Variants in SLC35F4 observed in about 807,000 individuals in gnomAD.
The protein encoded by SLC35F4 is chromosome 14 open reading frame 36.
SLC35F4 carries 24 observed loss-of-function variants against 44.2 expected under a neutral mutation model. The ratio of observed to expected loss-of-function variants is 0.54; its 90% CI spans 0.39 to 0.76. The LOEUF (loss-of-function observed/expected upper bound fraction) is 0.76, where lower values mean the gene tolerates loss of function less well. SLC35F4 is among the 30% of genes least tolerant of loss of function. The pLI, the probability that SLC35F4 is intolerant of heterozygous loss-of-function variation, is 0.00. For missense variants in SLC35F4, 562 were observed against 586.1 expected, an observed-to-expected ratio of 0.96 and a Z score of 0.42; for synonymous variants, 238 against 223.6, an observed-to-expected ratio of 1.06 and a Z score of -0.57.
intron 1 of SLC35F4, among the ~76,000 whole-genome samples, chr14:57,756,788 G>T (rs78048708): frequency 0.044 from 6,722 of 151,708 alleles, 362 homozygotes; most frequent in East Asian, 0.17. Flanking sequence ...CCAAGTAGTT[G>T]GGACCGCAGG....
intron 1 of SLC35F4, among the ~76,000 whole-genome samples, chr14:57,698,232 T>C (rs1267810143): frequency 1.3e-5 from 2 of 152,186 alleles, no homozygotes; most frequent in African/African-American, 2.4e-5. Flanking sequence ...ATTTAGATCA[T>C]ACCCTGGTAA....
intron 1 of SLC35F4, among the ~76,000 whole-genome samples, chr14:57,903,685 TAAGAC>T (rs1265167186): frequency 1.3e-5 from 2 of 152,200 alleles, no homozygotes; most frequent in Non-Finnish European, 2.9e-5. Flanking sequence ...TCCACTGTCA[TAAGAC>T]AAGATTTATT....
chr14:57,793,462 C>T (rs1231676934), intron 1 of SLC35F4, among the ~76,000 whole-genome samples: 1 of 152,070 alleles, frequency 6.6e-6, no homozygotes, highest in Non-Finnish European at 1.5e-5. Flanking sequence ...ATACCCATAG[C>T]TTAGCTCTCA....
chr14:57,813,525 G>A (rs1476550098), intron 1 of SLC35F4, among the ~76,000 whole-genome samples: 1 of 151,970 alleles, frequency 6.6e-6, no homozygotes. Context: ...AGGAGGCAGA[G>A]GTTGCAGTGA....
intron 1 of SLC35F4, among the ~76,000 whole-genome samples, chr14:57,698,970 A>G (rs2075459750): frequency 1.3e-5 from 2 of 152,144 alleles, no homozygotes; most frequent in East Asian, 1.9e-4. Context: ...GGATGACAGC[A>G]GATGCCAACC....
chr14:57,722,513 A>T (rs1183384975), intron 1 of SLC35F4, among the ~76,000 whole-genome samples: 1 of 152,170 alleles, frequency 6.6e-6, no homozygotes, highest in Non-Finnish European at 1.5e-5. Context: ...TCTTCTCTGT[A>T]TGTTAGATCC....
intron 1 of SLC35F4, among the ~76,000 whole-genome samples, chr14:57,716,366 G>A (rs1380054900): frequency 1.3e-5 from 2 of 149,792 alleles, no homozygotes; most frequent in African/African-American, 4.9e-5. Flanking sequence ...GCAATTTTTT[G>A]AATTGCAGAC....
chr14:57,668,430 C>T (rs2074395452), intron 1 of SLC35F4, among the ~76,000 whole-genome samples: 1 of 151,946 alleles, frequency 6.6e-6, no homozygotes, highest in Admixed American at 6.6e-5. Flanking sequence ...AATGGTATTG[C>T]CTGGGTTTTC....
In SLC35F4 at chr14:57,630,377, T is replaced by C; in HGVS notation, c.104-36253A>G. The C allele has an allele frequency of 4.7e-6, 3 of 632,308 alleles. No individual in the cohort carries two copies. In the Admixed American group the frequency reaches 6.5e-5, roughly 14 times the overall value. The allele number at this position is 632,308 out of a possible 1,614,324, so 39.2% of individuals were successfully genotyped here. On this transcript the variant is annotated intron_variant, in intron 1 of 7. Coordinates refer to ENST00000556826, the MANE Select transcript of SLC35F4 (RefSeq NM_001306087.2). ...GAAGACCACACATAGCAGAAGCCAT[T>C]CCAAATATGATAGATTCAAACACTG...
chr14:57,912,467 T>C (rs1889233503), intron 1 of SLC35F4, among the ~76,000 whole-genome samples: 1 of 152,000 alleles, frequency 6.6e-6, no homozygotes, highest in African/African-American at 2.4e-5. Context: ...TTATTGTACA[T>C]TGTGCTTTTA....
intron 1 of SLC35F4, among the ~76,000 whole-genome samples, chr14:57,904,788 ATGG>A (rs1889075831): frequency 6.6e-6 from 1 of 151,514 alleles, no homozygotes; most frequent in Non-Finnish European, 1.5e-5. Flanking sequence ...CTAGGAAGTG[ATGG>A]TGCAGATCCC....
chr14:57,856,447 T>C (rs1028746403), intron 1 of SLC35F4, among the ~76,000 whole-genome samples: 2 of 152,066 alleles, frequency 1.3e-5, no homozygotes, highest in Non-Finnish European at 2.9e-5. Flanking sequence ...CAAAATAAGG[T>C]ACATCTAAAA....
At chr14:57,764,098 A>G (rs993594847) in intron 1 of SLC35F4, among the ~76,000 whole-genome samples, 41 of 152,266 alleles carry the variant, frequency 2.7e-4, no homozygotes, top group African/African-American at 9.4e-4. Flanking sequence ...ACTGTCAGCC[A>G]TGTGATTGAG....
chr14:57,709,040 A>G (rs1313600842), intron 1 of SLC35F4, among the ~76,000 whole-genome samples: 1 of 152,240 alleles, frequency 6.6e-6, no homozygotes, highest in East Asian at 1.9e-4. Context: ...AAAGCGGACT[A>G]GGAGCGTGAC....
intron 1 of SLC35F4, among the ~76,000 whole-genome samples, chr14:57,980,296 A>C (rs1331520486): frequency 3.9e-5 from 6 of 152,160 alleles, no homozygotes; most frequent in South Asian, 2.1e-4. Flanking sequence ...GCTGTCAGGA[A>C]CCCTGAGGCT....
chr14:57,942,268 G>A (rs1224336574), intron 1 of SLC35F4, among the ~76,000 whole-genome samples: 1 of 152,150 alleles, frequency 6.6e-6, no homozygotes, highest in African/African-American at 2.4e-5. Context: ...AAATAACTCT[G>A]TTGTAGACCA....
chr14:57,759,385 G>A (rs1190087322), intron 1 of SLC35F4, among the ~76,000 whole-genome samples: 1 of 152,004 alleles, frequency 6.6e-6, no homozygotes, highest in African/African-American at 2.4e-5. Flanking sequence ...TGCAAGACCA[G>A]CCTGGACAAC....
intron 1 of SLC35F4, among the ~76,000 whole-genome samples, chr14:57,886,855 C>T (rs766872528): frequency 6.6e-6 from 1 of 152,090 alleles, no homozygotes; most frequent in Non-Finnish European, 1.5e-5. Flanking sequence ...CATTTGGATG[C>T]CACAAGTTCA....
At chr14:57,770,219 G>A (rs754524611) in intron 1 of SLC35F4, among the ~76,000 whole-genome samples, 1 of 152,206 alleles carries the variant, frequency 6.6e-6, no homozygotes, top group Non-Finnish European at 1.5e-5. Flanking sequence ...CATTCCAACA[G>A]AGAAGCACCG....
Sources: allele counts gnomAD v4.1 joint callset (sites outside exome capture counted in the v4.1 genomes callset), GRCh38; gene constraint gnomAD v4.1.1; transcripts MANE v1.5; gene names NCBI Gene and HGNC (gene_info 2026-07-23, HGNC 2026-07-21).